RBFOX1: variants seen among roughly 807,000 people sequenced by gnomAD.
RBFOX1 encodes RNA binding protein fox-1 homolog 1.
RBFOX1 carries 8 observed loss-of-function variants against 57.7 expected under a neutral mutation model. That is an observed-to-expected ratio of 0.14 (90% CI 0.08 to 0.25). RBFOX1 has a LOEUF of 0.25. Ranked by LOEUF, RBFOX1 falls within the 10% of genes least tolerant of loss-of-function variation. RBFOX1 has a pLI of 1.00. For synonymous variants in RBFOX1, 326 were observed against 222.4 expected, an observed-to-expected ratio of 1.47 and a Z score of -4.15; for missense variants, 611 against 548.5, an observed-to-expected ratio of 1.11 and a Z score of -1.14.
At chr16:5,482,271 A>T (rs997347172) in intron 2 of RBFOX1, among the ~76,000 whole-genome samples, 1 of 151,996 alleles carries the variant, frequency 6.6e-6, no homozygotes, top group Admixed American at 6.5e-5. Flanking sequence ...GATGTGGATA[A>T]CTCTCTTCAT....
chr16:7,244,716 T>A (rs2094217317), intron 4 of RBFOX1, among the ~76,000 whole-genome samples: 1 of 152,196 alleles, frequency 6.6e-6, no homozygotes, highest in South Asian at 2.1e-4. Flanking sequence ...TCTTCCAATA[T>A]TGTGTAGTGT....
chr16:7,491,335 C>T (rs770030298), intron 4 of RBFOX1, among the ~76,000 whole-genome samples: 1 of 149,964 alleles, frequency 6.7e-6, no homozygotes, highest in Non-Finnish European at 1.5e-5. Flanking sequence ...TTGTTTTTGG[C>T]CTTGATTTGA....
At chr16:7,426,922 T>C (rs2098622867) in intron 4 of RBFOX1, among the ~76,000 whole-genome samples, 1 of 152,178 alleles carries the variant, frequency 6.6e-6, no homozygotes, top group African/African-American at 2.4e-5. Context: ...CACCATGGAA[T>C]ACTATGCAGC....
intron 3 of RBFOX1, among the ~76,000 whole-genome samples, chr16:7,018,588 T>C (rs183370055): frequency 1.6e-4 from 25 of 152,296 alleles, no homozygotes; most frequent in African/African-American, 5.8e-4. Context: ...TTTGGGTATT[T>C]ACCCAGTAAT....
chr16:5,293,502 G>C (rs2063584718), intron 1 of RBFOX1, among the ~76,000 whole-genome samples: 1 of 152,180 alleles, frequency 6.6e-6, no homozygotes, highest in African/African-American at 2.4e-5. Context: ...CTGGGGAGAT[G>C]AGACAATACC....
intron 4 of RBFOX1, among the ~76,000 whole-genome samples, chr16:7,066,288 C>G (rs536393278): frequency 1.3e-5 from 2 of 152,158 alleles, no homozygotes; most frequent in East Asian, 1.9e-4. Context: ...TGGTACGTTA[C>G]CTTGATGTCT....
chr16:6,855,178 G>A (rs1333642664), intron 3 of RBFOX1, among the ~76,000 whole-genome samples: 2 of 152,108 alleles, frequency 1.3e-5, no homozygotes, highest in African/African-American at 4.8e-5. Flanking sequence ...TGGTGAGCAT[G>A]ATATCCCCAG....
chr16:6,338,515 A>G (rs1181309324), intron 2 of RBFOX1, among the ~76,000 whole-genome samples: 2 of 152,240 alleles, frequency 1.3e-5, no homozygotes, highest in African/African-American at 4.8e-5. Flanking sequence ...ACACAGTTCA[A>G]GCAAAAACAA....
At chr16:5,622,014 G>C (rs2048214724) in intron 3 of RBFOX1, among the ~76,000 whole-genome samples, 1 of 152,130 alleles carries the variant, frequency 6.6e-6, no homozygotes, top group African/African-American at 2.4e-5. Context: ...AAGTAAACAT[G>C]GCTATGGGGA....
intron 2 of RBFOX1, among the ~76,000 whole-genome samples, chr16:5,591,865 G>A (rs912600662): frequency 6.6e-6 from 1 of 152,144 alleles, no homozygotes; most frequent in African/African-American, 2.4e-5. Context: ...TCATGCAGAT[G>A]TTTAAACAGC....
chr16:5,508,535 A>C (rs1026402073), intron 2 of RBFOX1, among the ~76,000 whole-genome samples: 2 of 152,186 alleles, frequency 1.3e-5, no homozygotes, highest in East Asian at 3.8e-4. Context: ...GAGATTGCAC[A>C]GAGTGATTGC....
intron 4 of RBFOX1, among the ~76,000 whole-genome samples, chr16:7,508,253 C>A (rs913318059): frequency 6.6e-6 from 1 of 152,130 alleles, no homozygotes; most frequent in Non-Finnish European, 1.5e-5. Context: ...GCTGGGATTA[C>A]AAGCGTGAGC....
Position 6,556,803 on chromosome 16 carries a change from T to A in RBFOX1, c.-63-97800T>A, listed in dbSNP as rs945690747. Among the ~76,000 whole-genome samples the A allele has an allele frequency of 2.0e-5, 3 of 152,010 alleles. 1 individual carries two copies. The highest frequency in any genetic ancestry group is 1.5e-5 in the Non-Finnish European group (1 of 67,992). ...TATGACTTAGACCTGAAGAGGCTCA[T>A]GTGACTGCAGGTGTTATGTTTTGAC... On this transcript the variant is annotated intron_variant, in intron 2 of 15. Transcript: ENST00000550418.
intron 3 of RBFOX1, among the ~76,000 whole-genome samples, chr16:6,768,088 T>C (rs1435692577): frequency 6.6e-6 from 1 of 151,802 alleles, no homozygotes; most frequent in South Asian, 2.1e-4. Context: ...GCTGGAAATA[T>C]GAATCCACTG....
intron 1 of RBFOX1, chr16:5,366,478 C>G (rs1223682019): frequency 2.3e-6 from 1 of 435,750 alleles, no homozygotes; most frequent in Non-Finnish European, 4.4e-6. Context: ...ATCAAAAGGG[C>G]AAGAATCCTT....
At chr16:7,046,183 C>T (rs576776999) in intron 3 of RBFOX1, among the ~76,000 whole-genome samples, 110 of 151,938 alleles carry the variant, frequency 7.2e-4, no homozygotes, top group African/African-American at 2.5e-3. Context: ...TACATGTAGA[C>T]AGGTGTTCCA....
intron 4 of RBFOX1, among the ~76,000 whole-genome samples, chr16:7,367,465 T>C (rs28677125): frequency 0.019 from 2,857 of 152,328 alleles, 86 homozygotes; most frequent in African/African-American, 0.061. Flanking sequence ...TTGTTTGCTA[T>C]AGAAATGTGT....
At chr16:6,112,628 T>G (rs940683073) in intron 1 of RBFOX1, among the ~76,000 whole-genome samples, 2 of 150,232 alleles carry the variant, frequency 1.3e-5, no homozygotes, top group Non-Finnish European at 1.5e-5. Flanking sequence ...GAGCCGGAGG[T>G]TGCGGTGAGC....
At chr16:5,677,276 C>A (rs769301131) in intron 3 of RBFOX1, among the ~76,000 whole-genome samples, 1 of 152,216 alleles carries the variant, frequency 6.6e-6, no homozygotes, top group Non-Finnish European at 1.5e-5. Context: ...AGAATATGTC[C>A]TCCTATGAGA....
Sources: allele counts gnomAD v4.1 joint callset (sites outside exome capture counted in the v4.1 genomes callset), GRCh38; gene constraint gnomAD v4.1.1; transcripts MANE v1.5; gene names NCBI Gene and HGNC (gene_info 2026-07-23, HGNC 2026-07-21).